The following UBE2D2 variants were observed in gnomAD, a reference collection of about 807,000 sequenced individuals.
UBE2D2 encodes the protein ubiquitin-conjugating enzyme E2 D2.
UBE2D2 carries 2 observed loss-of-function variants against 24.2 expected under a neutral mutation model. That is an observed-to-expected ratio of 0.08 (90% CI 0.03 to 0.26). The LOEUF is 0.26. Among genes scored for constraint, UBE2D2 ranks in the 10% least tolerant of loss-of-function variants. The pLI is 1.00. For missense variants in UBE2D2, 44 were observed against 177.6 expected (o/e 0.25, Z 4.28); for synonymous variants, 58 against 56.5 (o/e 1.03, Z -0.12).
upstream of UBE2D2, among the ~76,000 whole-genome samples, chr5:139,556,271 C>T (rs535103015): frequency 3.1e-4 from 46 of 150,680 alleles, no homozygotes; most frequent in African/African-American, 1.1e-3. Context: ...ATTAGCTGGG[C>T]GTGGTGGTGC....
intron 1 of UBE2D2, among the ~76,000 whole-genome samples, chr5:139,567,168 C>T (rs558906144): frequency 8.2e-4 from 125 of 152,108 alleles, no homozygotes; most frequent in African/African-American, 2.8e-3. Context: ...GGCATGATCT[C>T]GGCTCACTGC....
chr5:139,561,819 A>G lies in UBE2D2; in HGVS notation c.24+4A>G, dbSNP rs753982964. On this transcript the variant is annotated splice_donor_region_variant and intron_variant, in intron 1 of 6. Coordinates refer to ENST00000398733, the MANE Select transcript of UBE2D2 (RefSeq NM_003339.3). ...GGCTCTGAAGAGAATCCACAAGGTA[A>G]GCGGCCGGAGGTCGGCTGCGCTGCT... 6.7e-7 allele frequency: 1 copy of G among 1,498,788 alleles called. No individual in the cohort carries two copies. Among genetic ancestry groups the G allele is most frequent in the Non-Finnish European group, 8.9e-7 (1 of 1,129,942 alleles). The allele number at this position is 1,498,788 out of a possible 1,614,324, so 92.8% of individuals were successfully genotyped here. A position where few individuals can be genotyped will look rare whatever the true frequency, so the allele number is the denominator to read the frequency against.
chr5:139,615,829 ATTTTTTTTTTTT>A (rs200247238), intron 5 of UBE2D2, among the ~76,000 whole-genome samples: 1 of 95,432 alleles, frequency 1.0e-5, no homozygotes. Flanking sequence ...AATAATCTAG[ATTTTTTTTTTTT>A]TTTTTTTTTT....
chr5:139,555,080 C>CT (rs1268844446), intron 1 of UBE2D2: 1 of 150,556 alleles, frequency 6.6e-6, no homozygotes, highest in Non-Finnish European at 1.5e-5. Context: ...GGGTCTCACT[C>CT]TGTCACCCAG....
chr5:139,614,485 T>C (rs1754384508), intron 2 of UBE2D2, 101 bp from the exon 3 acceptor site: 7 of 1,342,552 alleles, frequency 5.2e-6, no homozygotes, highest in Non-Finnish European at 7.4e-6. Context: ...TATCATATTA[T>C]TTATAAATGA....
intron 1 of UBE2D2, among the ~76,000 whole-genome samples, chr5:139,538,492 G>A (rs1160851692): frequency 2.0e-5 from 3 of 152,124 alleles, no homozygotes; most frequent in African/African-American, 7.2e-5. Flanking sequence ...AAGACATCAT[G>A]CTAAGTAAAA....
chr5:139,588,051 A>G (rs984325068), intron 1 of UBE2D2, among the ~76,000 whole-genome samples: 1 of 151,742 alleles, frequency 6.6e-6, no homozygotes, highest in Non-Finnish European at 1.5e-5. Flanking sequence ...GCAGTCTCCA[A>G]CTCCTGGGCA....
chr5:139,544,276 G>A (rs1438618152), intron 1 of UBE2D2, among the ~76,000 whole-genome samples: 3 of 148,770 alleles, frequency 2.0e-5, no homozygotes, highest in Non-Finnish European at 4.4e-5. Flanking sequence ...GATTACAGGT[G>A]TGAGCCACTG....
intron 1 of UBE2D2, among the ~76,000 whole-genome samples, chr5:139,548,161 C>A: frequency 1.5e-3 from 2 of 1,366 alleles, no homozygotes; most frequent in Non-Finnish European, 4.6e-3. Flanking sequence ...GAGACTCCGT[C>A]TCAAAAAAAA....
chr5:139,583,430 A>C (rs1753649895), intron 1 of UBE2D2, among the ~76,000 whole-genome samples: 1 of 152,208 alleles, frequency 6.6e-6, no homozygotes, highest in Non-Finnish European at 1.5e-5. Flanking sequence ...ATTTCCGAAC[A>C]ACATGTTGTG....
intron 1 of UBE2D2, among the ~76,000 whole-genome samples, chr5:139,594,711 G>A (rs991624324): frequency 2.0e-5 from 3 of 152,112 alleles, no homozygotes; most frequent in Non-Finnish European, 4.4e-5. Context: ...ACCGCACCCG[G>A]TCAATAATCT....
chr5:139,548,184 T>TAAAAAAAA (rs1420608616), intron 1 of UBE2D2, among the ~76,000 whole-genome samples: 1 of 46,890 alleles, frequency 2.1e-5, no homozygotes, highest in African/African-American at 1.2e-4. Context: ...AAAAAAAAAA[T>TAAAAAAAA]AAAAAAAAAA....
At chr5:139,584,754 A>G (rs139559602) in intron 1 of UBE2D2, among the ~76,000 whole-genome samples, 4,661 of 151,938 alleles carry the variant, frequency 0.031, 90 homozygotes, top group Middle Eastern at 0.058. Context: ...GCTGGTCTCG[A>G]ACGCCTGACC....
intron 1 of UBE2D2, among the ~76,000 whole-genome samples, chr5:139,550,391 G>A (rs1185149802): frequency 6.6e-6 from 1 of 152,136 alleles, no homozygotes; most frequent in African/African-American, 2.4e-5. Flanking sequence ...TCAGCACCCT[G>A]TCAAAACAGA....
chr5:139,606,163 T>C (rs770208964), intron 2 of UBE2D2, among the ~76,000 whole-genome samples: 1 of 151,878 alleles, frequency 6.6e-6, no homozygotes, highest in African/African-American at 2.4e-5. Context: ...CTGTTTTGTT[T>C]GTTTGTTTGT....
chr5:139,539,493 A>G (rs2336901), intron 1 of UBE2D2, among the ~76,000 whole-genome samples: 62,611 of 152,072 alleles, frequency 0.41, 15,886 homozygotes, highest in African/African-American at 0.72. Context: ...TTGTGGTGAT[A>G]GAATAGTTCT....
intron 1 of UBE2D2, among the ~76,000 whole-genome samples, chr5:139,563,183 C>A (rs1176302569): frequency 6.6e-6 from 1 of 152,198 alleles, no homozygotes; most frequent in African/African-American, 2.4e-5. Flanking sequence ...TTGTCTTAAA[C>A]TAAGTCAGAA....
At chr5:139,561,103 A>G (rs1414477336), upstream of UBE2D2, 2 of 152,688 alleles carry the variant, frequency 1.3e-5, no homozygotes, top group African/African-American at 4.8e-5. Flanking sequence ...CAATGAAGTC[A>G]ACGGTCGCGG....
At chr5:139,581,063 C>G (rs562130369) in intron 1 of UBE2D2, among the ~76,000 whole-genome samples, 1 of 152,206 alleles carries the variant, frequency 6.6e-6, no homozygotes, top group East Asian at 1.9e-4. Context: ...TAAGTGAAGC[C>G]TGAAGGTGGA....
Sources: gnomAD v4.1 joint callset for allele counts (sites outside exome capture counted in the v4.1 genomes callset) on GRCh38, gnomAD v4.1.1 for gene constraint, MANE v1.5 for transcripts, NCBI Gene and HGNC (gene_info 2026-07-23, HGNC 2026-07-21) for gene names.